The following DNAH6 variants were observed in gnomAD, a reference collection of about 807,000 sequenced individuals.
DNAH6 encodes the protein dynein axonemal heavy chain 6, also known as axonemal beta dynein heavy chain 6.
Under a neutral mutation model 491.4 loss-of-function variants are expected in DNAH6, and 340 were observed. The ratio of observed to expected loss-of-function variants is 0.69; its 90% CI spans 0.63 to 0.76. The LOEUF (loss-of-function observed/expected upper bound fraction) is 0.76. Ranked by LOEUF, DNAH6 falls within the 30% of genes least tolerant of loss-of-function variation. DNAH6 has a pLI of 0.00. For synonymous variants in DNAH6, 1,603 were observed against 1,686.1 expected (o/e 0.95, Z 1.21); for missense variants, 4,443 against 4,972.2 (o/e 0.89, Z 3.20).
At chr2:84,805,911 G>C in intron 71 of DNAH6, 117 bp downstream of exon 71, 1 of 838,914 alleles carries the variant, frequency 1.2e-6, no homozygotes, top group Non-Finnish European at 1.7e-6. Flanking sequence ...TTAACCTAAA[G>C]AGCTCTTTTG....
chr2:84,720,975 A>G (rs2104925482), intron 59 of DNAH6, among the ~76,000 whole-genome samples: 1 of 152,306 alleles, frequency 6.6e-6, no homozygotes, highest in South Asian at 2.1e-4. Context: ...TCTTGGCTAC[A>G]GTTTATACTC....
At chr2:84,643,076 T>C (rs944858809) in intron 33 of DNAH6, among the ~76,000 whole-genome samples, 1 of 152,136 alleles carries the variant, frequency 6.6e-6, no homozygotes, top group Non-Finnish European at 1.5e-5. Flanking sequence ...GCAACAAATT[T>C]TCTCAATGTT....
intron 67 of DNAH6, 60 bp downstream of exon 67, chr2:84,785,816 G>T: frequency 7.3e-7 from 1 of 1,377,204 alleles, no homozygotes. Flanking sequence ...TAAATAAATA[G>T]TAATAATTAA....
the DNAH6 span, among the ~76,000 whole-genome samples, chr2:84,509,007 A>G: frequency 6.6e-6 from 1 of 152,316 alleles, no homozygotes; most frequent in South Asian, 2.1e-4. Context: ...CAATTTTGGA[A>G]TAAGTGCAGT....
the DNAH6 span, among the ~76,000 whole-genome samples, chr2:84,466,520 T>C: frequency 6.6e-6 from 1 of 152,208 alleles, no homozygotes; most frequent in Non-Finnish European, 1.5e-5. Context: ...CAAAAAAAAG[T>C]TTCCTCGATT....
chr2:84,517,074 A>T (rs1006244539), intron 1 of DNAH6, among the ~76,000 whole-genome samples: 1 of 152,158 alleles, frequency 6.6e-6, no homozygotes, highest in Non-Finnish European at 1.5e-5. Context: ...TCATATTTCT[A>T]TTGGCCAGCA....
At position 84,593,308 on chromosome 2, in the gene DNAH6, T is replaced by C. The variant is rs903166941; in HGVS notation, c.2611-664T>C. 2.6e-5 allele frequency among the ~76,000 whole-genome samples: 4 copies of C among 152,110 alleles called. No homozygotes were observed. In the East Asian group the frequency reaches 5.8e-4, roughly 22 times the overall value. On this transcript the variant is annotated intron_variant, in intron 16 of 76. Transcript: ENST00000389394. ...ACTAATCTAGGTTGCAGGAAATCATTTGCAACTCTTAATAGAAGACAAGAC... is the reference window on the plus strand; with the variant it reads ...ACTAATCTAGGTTGCAGGAAATCATCTGCAACTCTTAATAGAAGACAAGAC...
the DNAH6 span, among the ~76,000 whole-genome samples, chr2:84,471,709 T>C: frequency 6.6e-6 from 1 of 152,152 alleles, no homozygotes. Flanking sequence ...TCCACGTGGT[T>C]CGTTCATCTC....
chr2:84,507,640 G>A, the DNAH6 span, among the ~76,000 whole-genome samples: 1 of 152,124 alleles, frequency 6.6e-6, no homozygotes, highest in African/African-American at 2.4e-5. Flanking sequence ...TCCCTGTCTT[G>A]TGCCAGTTTT....
intron 58 of DNAH6, among the ~76,000 whole-genome samples, chr2:84,717,148 T>C (rs1409331153): frequency 2.0e-5 from 3 of 152,204 alleles, no homozygotes; most frequent in African/African-American, 7.2e-5. Context: ...TCTGTCTTCC[T>C]TTCTATTTCC....
chr2:84,809,011 A>G lies in DNAH6; in HGVS notation c.11739+469A>G, dbSNP rs996896964. On this transcript the variant is annotated intron_variant, in intron 72 of 76. Transcript: ENST00000389394. ...ACTTGATCCCACTCAAGACCTACTG[A>G]GTTAGAATTTCTTGAAGCAGGGCCT... Among the ~76,000 whole-genome samples the G allele has an allele frequency of 5.3e-5, 8 of 152,186 alleles. 1 individual carries two copies. Among genetic ancestry groups the G allele is most frequent in the South Asian group, 4.1e-4 (2 of 4,820 alleles).
chr2:84,580,652 A>G (rs1230808783), intron 14 of DNAH6, among the ~76,000 whole-genome samples: 1 of 152,196 alleles, frequency 6.6e-6, no homozygotes, highest in African/African-American at 2.4e-5. Context: ...GCCTTCTCAA[A>G]AAGGCAGATG....
At chr2:84,586,580 G>C (rs934525288) in intron 15 of DNAH6, among the ~76,000 whole-genome samples, 2 of 152,106 alleles carry the variant, frequency 1.3e-5, no homozygotes, top group Non-Finnish European at 2.9e-5. Flanking sequence ...ATGGAAATTG[G>C]GATTATCTAC....
chr2:84,474,380 AC>A, the DNAH6 span, among the ~76,000 whole-genome samples: 1 of 152,122 alleles, frequency 6.6e-6, no homozygotes, highest in Non-Finnish European at 1.5e-5. Context: ...CTCTACCCAA[AC>A]CGGTTTGGCA....
chr2:84,710,486 A>G (rs1251923070), intron 56 of DNAH6, 74 bp downstream of exon 56: 2 of 1,425,304 alleles, frequency 1.4e-6, no homozygotes, highest in East Asian at 5.0e-5. Flanking sequence ...TATAGGCCAC[A>G]TCCCCATCAT....
the DNAH6 span, among the ~76,000 whole-genome samples, chr2:84,499,887 GTT>G: frequency 0.071 from 10,533 of 147,516 alleles, 1,179 homozygotes; most frequent in African/African-American, 0.24. Context: ...CAGGTTATTA[GTT>G]TTTTTTTTTT....
chr2:84,645,385 C>T (rs1366344798), intron 33 of DNAH6, among the ~76,000 whole-genome samples: 1 of 152,208 alleles, frequency 6.6e-6, no homozygotes, highest in African/African-American at 2.4e-5. Flanking sequence ...TGCCATTGCA[C>T]TCCAGCCTGG....
intron 70 of DNAH6, 44 bp downstream of exon 70, chr2:84,797,702 G>A: frequency 1.3e-6 from 2 of 1,482,084 alleles, no homozygotes; most frequent in Non-Finnish European, 1.8e-6. Context: ...TGTTGTGTAT[G>A]TAAACTCAAA....
rs1326599890 is a variant in DNAH6 at position 84,723,071 on chromosome 2, T to C, written c.9972+267T>C. On this transcript the variant is annotated intron_variant, in intron 60 of 76. Transcript: ENST00000389394. ...GGAGAAACCCCATCTCTACTAAAAA[T>C]ACAAAAATTAGCCAGGCGTGGTGGC... Among the ~76,000 whole-genome samples the C allele has an allele frequency of 1.3e-5, 2 of 151,756 alleles. 1 individual carries two copies. Among genetic ancestry groups the C allele is most frequent in the Non-Finnish European group, 2.9e-5 (2 of 67,950 alleles).
Sources: gnomAD v4.1 joint callset for allele counts (sites outside exome capture counted in the v4.1 genomes callset) on GRCh38, gnomAD v4.1.1 for gene constraint, MANE v1.5 for transcripts, NCBI Gene and HGNC (gene_info 2026-07-23, HGNC 2026-07-21) for gene names.